ADAMTSL1: variants seen among roughly 807,000 people sequenced by gnomAD.
ADAMTSL1 encodes the protein ADAMTS like 1.
A neutral mutation model predicts 201.8 loss-of-function variants in ADAMTSL1; 126 were observed. The ratio of observed to expected loss-of-function variants is 0.62; its 90% CI spans 0.54 to 0.72. The LOEUF is 0.72. ADAMTSL1 is among the 30% of genes least tolerant of loss of function. The pLI is 0.00. For missense variants in ADAMTSL1, 2,679 were observed against 2,277.8 expected, an observed-to-expected ratio of 1.18 and a Z score of -3.59; for synonymous variants, 1,121 against 903.4, an observed-to-expected ratio of 1.24 and a Z score of -4.32.
intron 4 of ADAMTSL1, among the ~76,000 whole-genome samples, chr9:18,579,005 T>A (rs536590995): frequency 6.6e-6 from 1 of 151,856 alleles, no homozygotes; most frequent in Non-Finnish European, 1.5e-5. Context: ...TTTCATGTGT[T>A]TTTTGGCTGC....
intron 15 of ADAMTSL1, among the ~76,000 whole-genome samples, chr9:18,730,411 C>T (rs1818142478): frequency 6.6e-6 from 1 of 152,232 alleles, no homozygotes; most frequent in South Asian, 2.1e-4. Context: ...AGGAACAGTT[C>T]ATACTTGTGA....
chr9:18,811,027 AAAAAAAAAC>A (rs1380568427), intron 20 of ADAMTSL1, among the ~76,000 whole-genome samples: 82 of 150,050 alleles, frequency 5.5e-4, no homozygotes, highest in Non-Finnish European at 8.9e-4. Context: ...AAAAAAAAAA[AAAAAAAAAC>A]AAACACCAGC....
intron 1 of ADAMTSL1, among the ~76,000 whole-genome samples, chr9:18,023,086 CT>C (rs1365502698): frequency 1.3e-5 from 2 of 151,988 alleles, no homozygotes; most frequent in African/African-American, 4.8e-5. Context: ...TAGCTGTTTC[CT>C]GAAAGTACTT....
At chr9:18,005,187 A>G (rs1175640474) in intron 1 of ADAMTSL1, among the ~76,000 whole-genome samples, 1 of 152,090 alleles carries the variant, frequency 6.6e-6, no homozygotes, top group Non-Finnish European at 1.5e-5. Context: ...TTAAATGATA[A>G]CTGAAGGAGA....
chr9:18,028,906 T>C (rs2131600019), intron 1 of ADAMTSL1, among the ~76,000 whole-genome samples: 1 of 152,324 alleles, frequency 6.6e-6, no homozygotes, highest in Non-Finnish European at 1.5e-5. Context: ...TGGAATGGTC[T>C]TCCATTTGTT....
At chr9:18,247,268 A>G (rs1323316513) in intron 2 of ADAMTSL1, among the ~76,000 whole-genome samples, 1 of 152,232 alleles carries the variant, frequency 6.6e-6, no homozygotes, top group African/African-American at 2.4e-5. Context: ...TCATCCATTT[A>G]TGACACTAAT....
At chr9:17,971,750 C>T (rs1818214229) in intron 1 of ADAMTSL1, among the ~76,000 whole-genome samples, 1 of 151,734 alleles carries the variant, frequency 6.6e-6, no homozygotes, top group Non-Finnish European at 1.5e-5. Flanking sequence ...CTTGAAGATG[C>T]CTGTCCAAAA....
upstream of ADAMTSL1, among the ~76,000 whole-genome samples, chr9:18,470,380 T>C (rs1448381269): frequency 6.6e-6 from 1 of 152,222 alleles, no homozygotes; most frequent in Non-Finnish European, 1.5e-5. Flanking sequence ...CCCCTGAGAA[T>C]AGCAGTCTGC....
At chr9:18,229,900 T>A (rs1291196147) in intron 2 of ADAMTSL1, among the ~76,000 whole-genome samples, 1 of 152,090 alleles carries the variant, frequency 6.6e-6, no homozygotes, top group Non-Finnish European at 1.5e-5. Flanking sequence ...TTTCACCAGG[T>A]TGGCCAGACT....
intron 2 of ADAMTSL1, among the ~76,000 whole-genome samples, chr9:18,236,366 G>C (rs766272031): frequency 6.6e-6 from 1 of 152,176 alleles, no homozygotes; most frequent in African/African-American, 2.4e-5. Flanking sequence ...GAGCCACCAC[G>C]CATGGCCTGT....
At chr9:18,446,374 G>T (rs1820193304) in intron 2 of ADAMTSL1, among the ~76,000 whole-genome samples, 1 of 152,186 alleles carries the variant, frequency 6.6e-6, no homozygotes, top group Non-Finnish European at 1.5e-5. Flanking sequence ...TTAAAGGCAT[G>T]AACTAAAAAT....
At chr9:18,090,626 A>G (rs1188041133) in intron 1 of ADAMTSL1, among the ~76,000 whole-genome samples, 1 of 152,142 alleles carries the variant, frequency 6.6e-6, no homozygotes, top group Non-Finnish European at 1.5e-5. Context: ...TTTAATAGGT[A>G]CAGAGTTTTA....
In ADAMTSL1 at chr9:18,777,844, C is replaced by G; in HGVS notation, c.3615C>G (p.Ile1205Met). ...GTGTTCTTCTGCACTGTGAGGCCAT[C>G]GGCCACCCAAGGCCTACCATCAGCT... Reference protein sequence around the residue: ...TLSVLLHCEAIGHPRPTISWA... With the variant: ...TLSVLLHCEAMGHPRPTISWA... The change falls in exon 19 of 29, where the codon ATC (isoleucine) becomes ATG (methionine). Residue 1205 changes from isoleucine (I) to methionine (M), a missense_variant. Coordinates refer to ENST00000380548, the MANE Select transcript of ADAMTSL1 (RefSeq NM_001040272.6). 6.2e-7 allele frequency: 1 copy of G among 1,601,902 alleles called. No homozygotes were observed. Among genetic ancestry groups the G allele is most frequent in the Non-Finnish European group, 8.5e-7 (1 of 1,171,366 alleles).
At chr9:18,634,842 A>C (rs1478054298) in intron 5 of ADAMTSL1, among the ~76,000 whole-genome samples, 1 of 103,998 alleles carries the variant, frequency 9.6e-6, no homozygotes, top group East Asian at 2.7e-4. Flanking sequence ...CCTCAAAAAA[A>C]AAAAAAGAAT....
intron 2 of ADAMTSL1, among the ~76,000 whole-genome samples, chr9:18,166,784 A>G (rs1170269634): frequency 6.6e-6 from 1 of 152,034 alleles, no homozygotes; most frequent in East Asian, 1.9e-4. Context: ...AAATGTAAAT[A>G]ATGTTTGAAA....
At chr9:18,024,167 T>G (rs1004077519) in intron 1 of ADAMTSL1, among the ~76,000 whole-genome samples, 4 of 152,192 alleles carry the variant, frequency 2.6e-5, no homozygotes, top group Admixed American at 2.0e-4. Context: ...TCTTGATAAT[T>G]GTAAATGTTT....
chr9:18,527,948 G>T (rs1398236925), intron 2 of ADAMTSL1, among the ~76,000 whole-genome samples: 1 of 152,136 alleles, frequency 6.6e-6, no homozygotes. Flanking sequence ...TACAATCTCG[G>T]CTCACTGCAA....
chr9:18,253,371 A>C (rs1378059082), intron 2 of ADAMTSL1, among the ~76,000 whole-genome samples: 1 of 152,214 alleles, frequency 6.6e-6, no homozygotes, highest in Non-Finnish European at 1.5e-5. Flanking sequence ...GGTAACAATG[A>C]TCATATATTA....
chr9:18,635,868 G>T (rs1472552559), intron 5 of ADAMTSL1, 75 bp from the exon 6 acceptor site: 14 of 1,277,856 alleles, frequency 1.1e-5, no homozygotes, highest in Non-Finnish European at 1.6e-5. Context: ...GGAAGTCAGT[G>T]CCTTTATTTA....
Sources: allele counts gnomAD v4.1 joint callset (sites outside exome capture counted in the v4.1 genomes callset), GRCh38; gene constraint gnomAD v4.1.1; transcripts MANE v1.5; gene names NCBI Gene and HGNC (gene_info 2026-07-23, HGNC 2026-07-21).